The following ERG variants were observed in gnomAD, a reference collection of about 807,000 sequenced individuals.
ERG encodes the protein transcriptional regulator ERG.
ERG carries 9 observed loss-of-function variants against 55.3 expected under a neutral mutation model. The ratio of observed to expected loss-of-function variants is 0.16; its 90% confidence interval spans 0.10 to 0.28. The LOEUF (loss-of-function observed/expected upper bound fraction) is 0.28, where lower values mean the gene tolerates loss of function less well. ERG is among the 10% of genes least tolerant of loss of function. The pLI, the probability that ERG is intolerant of heterozygous loss-of-function variation, is 1.00. For missense variants in ERG, 434 were observed against 631.6 expected (o/e 0.69, Z 3.35); for synonymous variants, 223 against 237.3 (o/e 0.94, Z 0.55).
rs2146502237 is a variant in ERG at position 38,423,417 on chromosome 21, C to T, written c.381G>A (p.Val127=). 3.1e-6 allele frequency: 5 copies of T among 1,612,742 alleles called. No homozygotes were observed. The highest frequency in any genetic ancestry group is 4.2e-6 in the Non-Finnish European group (5 of 1,179,130). Residue 127 remains valine, a synonymous_variant, in exon 3 of 10, where the codon GTG becomes GTA. Coordinates refer to ENST00000288319, the MANE Select transcript of ERG (RefSeq NM_182918.4). ...NMTTNERRVI[V]PADPTLWSTD... ...AAGCTGTGGGCACCTGACCTGCTGG[C>T]ACGATAACTCTGCGCTCGTTCGTGG...
chr21:38,369,194 T>C, the ERG span, among the ~76,000 whole-genome samples: 1 of 152,274 alleles, frequency 6.6e-6, no homozygotes, highest in Non-Finnish European at 1.5e-5. Flanking sequence ...ATCACCACCC[T>C]GTCTTCCACA....
chr21:38,521,728 T>C (rs1464205976), intron 2 of ERG, among the ~76,000 whole-genome samples: 2 of 152,196 alleles, frequency 1.3e-5, no homozygotes, highest in Non-Finnish European at 2.9e-5. Context: ...TTAGACACAA[T>C]GGTGACAAAG....
At chr21:38,583,365 A>G (rs999523651) in intron 1 of ERG, among the ~76,000 whole-genome samples, 3 of 152,158 alleles carry the variant, frequency 2.0e-5, no homozygotes, top group Admixed American at 1.3e-4. Context: ...CCTAAAGGGG[A>G]GCACCGCCCG....
intron 1 of ERG, among the ~76,000 whole-genome samples, chr21:38,641,958 T>C (rs1255368729): frequency 7.2e-5 from 11 of 152,208 alleles, no homozygotes; most frequent in Admixed American, 7.2e-4. Flanking sequence ...CCTGGGCATC[T>C]GCATTCTGCA....
chr21:38,587,787 A>G (rs1386546984), upstream of ERG, among the ~76,000 whole-genome samples: 1 of 152,234 alleles, frequency 6.6e-6, no homozygotes, highest in Non-Finnish European at 1.5e-5. Context: ...AAAGGGAATA[A>G]AAGTTTTAAA....
chr21:38,496,183 T>C (rs996476592), intron 1 of ERG, among the ~76,000 whole-genome samples: 16 of 152,200 alleles, frequency 1.1e-4, no homozygotes, highest in African/African-American at 3.9e-4. Flanking sequence ...CATAGGGTCT[T>C]ACAAATGTTA....
chr21:38,422,490 T>C (rs768433714), intron 3 of ERG, among the ~76,000 whole-genome samples: 1 of 152,260 alleles, frequency 6.6e-6, no homozygotes, highest in Non-Finnish European at 1.5e-5. Flanking sequence ...ATGAGAAAGA[T>C]GTCCATTTGC....
In ERG at chr21:38,436,899, CT is replaced by C. The variant is rs11421601; in HGVS notation, c.236+8504del. On this transcript the variant is annotated intron_variant, in intron 2 of 9. Transcript: ENST00000288319. ...TAGTTCCTTTTTTTTTTCTTTCTCT[CT>C]TTTTTTTTTTTGAGACAGAGTCTTG... is the stretch of plus-strand genomic sequence containing the variant. Among the ~76,000 whole-genome samples, 305 of 142,330 alleles carry C rather than the reference CT, an allele frequency of 2.1e-3. 1 individual carries two copies. Among genetic ancestry groups the C allele is most frequent in the African/African-American group, 5.8e-3 (222 of 38,318 alleles). The allele number at this position is 142,330 out of a possible 152,430, so 93.4% of individuals were successfully genotyped here. A position where few individuals can be genotyped will look rare whatever the true frequency, so the allele number is the denominator to read the frequency against.
At chr21:38,408,510 TA>T (rs995864263) in intron 3 of ERG, among the ~76,000 whole-genome samples, 1 of 152,218 alleles carries the variant, frequency 6.6e-6, no homozygotes, top group Non-Finnish European at 1.5e-5. Flanking sequence ...ACTGAAGACC[TA>T]GTCTCTGCTC....
intron 1 of ERG, among the ~76,000 whole-genome samples, chr21:38,578,948 C>G (rs1424040728): frequency 6.6e-6 from 1 of 152,144 alleles, no homozygotes; most frequent in Non-Finnish European, 1.5e-5. Flanking sequence ...CAGGGCATTT[C>G]AAAGGAAGCC....
chr21:38,411,650 C>A (rs911704108), intron 3 of ERG, among the ~76,000 whole-genome samples: 2 of 152,110 alleles, frequency 1.3e-5, no homozygotes, highest in Non-Finnish European at 2.9e-5. Flanking sequence ...ACTCTTTTGG[C>A]GGCCTAGTGC....
intron 5 of ERG, 67 bp from the exon 6 acceptor site, chr21:38,400,712 G>A (rs901824148): frequency 1.7e-5 from 21 of 1,238,500 alleles, no homozygotes; most frequent in African/African-American, 3.0e-5. Flanking sequence ...CAACATCAGC[G>A]CCAAATCTAC....
chr21:38,597,620 G>A (rs1418165593), intron 1 of ERG, among the ~76,000 whole-genome samples: 2 of 152,134 alleles, frequency 1.3e-5, no homozygotes, highest in African/African-American at 2.4e-5. Flanking sequence ...GATGTCCTGG[G>A]AACGAGGCAT....
the ERG span, among the ~76,000 whole-genome samples, chr21:38,372,776 A>G: frequency 6.6e-6 from 1 of 151,568 alleles, no homozygotes; most frequent in Non-Finnish European, 1.5e-5. Context: ...AGTTGTTGGG[A>G]GCAGTACTCT....
chr21:38,451,140 C>G, intron 1 of ERG: 4 of 486,914 alleles, frequency 8.2e-6, no homozygotes, highest in South Asian at 6.0e-5. Context: ...GAGAGAGAGG[C>G]TGGTAGAGGG....
At chr21:38,392,740 A>G (rs1988035027) in intron 6 of ERG, among the ~76,000 whole-genome samples, 1 of 152,218 alleles carries the variant, frequency 6.6e-6, no homozygotes, top group Non-Finnish European at 1.5e-5. Flanking sequence ...AAAGTTTCTT[A>G]CAATCTAGTT....
chr21:38,556,173 A>G (rs140486206), intron 2 of ERG, among the ~76,000 whole-genome samples: 58 of 152,324 alleles, frequency 3.8e-4, no homozygotes, highest in Non-Finnish European at 6.9e-4. Flanking sequence ...TGGGATGATA[A>G]AAGGGCAGTT....
intron 2 of ERG, among the ~76,000 whole-genome samples, chr21:38,530,123 G>A (rs1227610076): frequency 1.3e-5 from 2 of 151,998 alleles, no homozygotes; most frequent in Non-Finnish European, 2.9e-5. Flanking sequence ...GCAATGGTGC[G>A]AACTCAGCTC....
In ERG at chr21:38,472,308, G is replaced by A. The variant is rs183361799; in HGVS notation, c.18+26055C>T. On this transcript the variant is annotated intron_variant, in intron 1 of 9. Transcript: ENST00000288319. The stretch of plus-strand genomic sequence containing the variant: ...CTGCATGCCAGCACTCTATGCAATG[G>A]GTGTTACACTAGCCATTATGTAAAG... Among the ~76,000 whole-genome samples the A allele has an allele frequency of 2.5e-4, 38 of 152,256 alleles. No homozygotes were observed. In the East Asian group the frequency reaches 7.3e-3, roughly 29 times the overall value.
Sources: gnomAD v4.1 joint callset for allele counts (sites outside exome capture counted in the v4.1 genomes callset) on GRCh38, gnomAD v4.1.1 for gene constraint, MANE v1.5 for transcripts, NCBI Gene and HGNC (gene_info 2026-07-23, HGNC 2026-07-21) for gene names.